The following CDH18 variants were observed in gnomAD, a reference collection of about 807,000 sequenced individuals.
CDH18 encodes cadherin 18.
A neutral mutation model predicts 67.9 loss-of-function variants in CDH18; 31 were observed. That is an observed-to-expected ratio of 0.46 (90% confidence interval 0.34 to 0.62). The LOEUF (loss-of-function observed/expected upper bound fraction) is 0.62, where lower values mean the gene tolerates loss of function less well. CDH18 is among the 20% of genes least tolerant of loss of function. CDH18 has a pLI of 0.01. For missense variants in CDH18, 890 were observed against 975.5 expected (o/e 0.91, Z 1.17); for synonymous variants, 362 against 347.2 (o/e 1.04, Z -0.48).
intron 2 of CDH18, among the ~76,000 whole-genome samples, chr5:20,193,628 C>T (rs983338085): frequency 1.3e-5 from 2 of 152,012 alleles, no homozygotes; most frequent in South Asian, 2.1e-4. Flanking sequence ...ATACAAAAAT[C>T]GGGAAGAGAC....
chr5:20,008,183 C>A (rs1737083757), intron 2 of CDH18, among the ~76,000 whole-genome samples: 1 of 151,848 alleles, frequency 6.6e-6, no homozygotes, highest in African/African-American at 2.4e-5. Flanking sequence ...TGGCAATGCA[C>A]AGTTTGCTTT....
chr5:19,988,023 C>A (rs1431164910), intron 1 of CDH18, 63 bp downstream of exon 1: 2 of 152,216 alleles, frequency 1.3e-5, no homozygotes, highest in African/African-American at 4.8e-5. Context: ...GGTAAAGCAG[C>A]CCCGCTGTAC....
intron 10 of CDH18, among the ~76,000 whole-genome samples, chr5:19,504,707 C>A (rs191733688): frequency 6.6e-6 from 1 of 152,056 alleles, no homozygotes. Context: ...TCTTTTTTCC[C>A]CTTCTTTATA....
At chr5:20,086,379 C>T (rs577837345) in intron 2 of CDH18, among the ~76,000 whole-genome samples, 8 of 152,298 alleles carry the variant, frequency 5.3e-5, no homozygotes, top group African/African-American at 1.9e-4. Flanking sequence ...AGAAGCTACA[C>T]CGATTTATCT....
intron 2 of CDH18, among the ~76,000 whole-genome samples, chr5:20,011,496 G>A (rs1460138637): frequency 9.9e-5 from 15 of 152,086 alleles, no homozygotes; most frequent in Admixed American, 9.8e-4. Flanking sequence ...ACTACGTTGA[G>A]TAGGAGTGGT....
intron 5 of CDH18, among the ~76,000 whole-genome samples, chr5:19,613,596 G>A (rs1374164215): frequency 1.3e-5 from 2 of 151,906 alleles, no homozygotes; most frequent in Admixed American, 6.6e-5. Flanking sequence ...ATGAACCCTT[G>A]GATTGAATAA....
chr5:20,278,504 T>G lies in CDH18; in HGVS notation c.-579-22999A>C, dbSNP rs531848979. Among the ~76,000 whole-genome samples, 6 of 151,954 alleles carry G rather than the reference T, an allele frequency of 3.9e-5. 1 individual carries two copies. The South Asian group carries it at 1.2e-3, about 32-fold the overall frequency. The stretch of plus-strand genomic sequence containing the variant: ...AATATAAGACCTATCCTACAAAAAA[T>G]GCTAAAGGGAGTTCTTCAGTCTGAA... On this transcript the variant is annotated intron_variant, in intron 1 of 14. Transcript: ENST00000507958.
chr5:20,281,819 A>G lies in CDH18; in HGVS notation c.-579-26314T>C, dbSNP rs549644789. 3.4e-4 allele frequency among the ~76,000 whole-genome samples: 51 copies of G among 152,130 alleles called. No homozygotes were observed. The South Asian group carries it at 9.8e-3, about 29-fold the overall frequency. Reference sequence around the variant, plus strand: ...TACCTTGGGCATTATGGCCATTTTCACGATATTGATTCTTCCTACCCATGA... The same window carrying G: ...TACCTTGGGCATTATGGCCATTTTCGCGATATTGATTCTTCCTACCCATGA... On this transcript the variant is annotated intron_variant, in intron 1 of 14. Coordinates refer to the CDH18 transcript ENST00000507958.
intron 9 of CDH18, among the ~76,000 whole-genome samples, chr5:19,539,794 A>G (rs1173347711): frequency 6.6e-6 from 1 of 152,176 alleles, no homozygotes; most frequent in African/African-American, 2.4e-5. Context: ...GAGGTCCATG[A>G]TTCAATTACC....
intron 2 of CDH18, among the ~76,000 whole-genome samples, chr5:20,139,145 C>T (rs1302568578): frequency 2.6e-5 from 4 of 152,076 alleles, no homozygotes; most frequent in Non-Finnish European, 5.9e-5. Flanking sequence ...AGAACAGAGC[C>T]CTCAGAAATA....
intron 1 of CDH18, among the ~76,000 whole-genome samples, chr5:20,464,784 G>C (rs1751524332): frequency 6.6e-6 from 1 of 152,114 alleles, no homozygotes; most frequent in Non-Finnish European, 1.5e-5. Flanking sequence ...TGGCAAGGAA[G>C]AGAAGTTGGA....
intron 5 of CDH18, among the ~76,000 whole-genome samples, chr5:19,708,369 A>G (rs1764228064): frequency 6.6e-6 from 1 of 151,880 alleles, no homozygotes; most frequent in South Asian, 2.1e-4. Flanking sequence ...GTCTTTATAT[A>G]CTCTGCAGAT....
intron 5 of CDH18, among the ~76,000 whole-genome samples, chr5:19,707,391 G>A (rs910455507): frequency 6.6e-6 from 1 of 152,088 alleles, no homozygotes; most frequent in Non-Finnish European, 1.5e-5. Context: ...CTTTAACAAG[G>A]GCTGACACAG....
chr5:19,779,866 C>A lies in CDH18; in HGVS notation c.229-32630G>T, dbSNP rs118164547. On this transcript the variant is annotated intron_variant, in intron 3 of 12. Transcript: ENST00000382275. The stretch of plus-strand genomic sequence containing the variant: ...CAATAACAAGTGGCTCATATTTGAA[C>A]CCATGTTCATTTGGCCTCAAAATAA... 1.9e-4 allele frequency among the ~76,000 whole-genome samples: 29 copies of A among 152,146 alleles called. No individual in the cohort carries two copies. The East Asian group carries it at 5.4e-3, about 28-fold the overall frequency.
At chr5:19,482,496 T>TA (rs1363138786) in intron 12 of CDH18, among the ~76,000 whole-genome samples, 1 of 152,214 alleles carries the variant, frequency 6.6e-6, no homozygotes, top group East Asian at 1.9e-4. Flanking sequence ...ATTTAGTCAG[T>TA]ATGTTAATAA....
intron 1 of CDH18, among the ~76,000 whole-genome samples, chr5:20,417,704 C>G (rs963437085): frequency 4.9e-4 from 74 of 152,058 alleles, no homozygotes; most frequent in Non-Finnish European, 7.4e-5. Flanking sequence ...TTTACTCTTC[C>G]AAAATCACAT....
At chr5:20,260,536 G>C (rs934029482) in intron 1 of CDH18, among the ~76,000 whole-genome samples, 8 of 152,058 alleles carry the variant, frequency 5.3e-5, no homozygotes, top group African/African-American at 1.9e-4. Flanking sequence ...ACCCTGAAAG[G>C]GGGTGGACAT....
chr5:20,563,004 T>TA (rs1758307214), intron 1 of CDH18, among the ~76,000 whole-genome samples: 1 of 151,456 alleles, frequency 6.6e-6, no homozygotes, highest in African/African-American at 2.4e-5. Context: ...TTTTTTTTTT[T>TA]AGCATGGTGA....
intron 2 of CDH18, among the ~76,000 whole-genome samples, chr5:20,178,844 A>T (rs1737454727): frequency 6.6e-6 from 1 of 152,116 alleles, no homozygotes; most frequent in East Asian, 1.9e-4. Flanking sequence ...GTTAAGTGGC[A>T]GAACAAAAAT....
Sources: gnomAD v4.1 joint callset for allele counts (sites outside exome capture counted in the v4.1 genomes callset) on GRCh38, gnomAD v4.1.1 for gene constraint, MANE v1.5 for transcripts, NCBI Gene and HGNC (gene_info 2026-07-23, HGNC 2026-07-21) for gene names.